ZFAND4: variants seen among roughly 807,000 people sequenced by gnomAD.
The protein encoded by ZFAND4 is AN1-type zinc finger protein 4.
ZFAND4 carries 43 observed loss-of-function variants against 64.4 expected under a neutral mutation model. The observed-to-expected ratio is 0.67, with a 90% CI of 0.52 to 0.86. The LOEUF (loss-of-function observed/expected upper bound fraction) is 0.86. ZFAND4 is among the 40% of genes least tolerant of loss of function. ZFAND4 has a pLI of 0.00. For missense variants in ZFAND4, 929 were observed against 859.8 expected, an observed-to-expected ratio of 1.08 and a Z score of -1.01; for synonymous variants, 296 against 305.7, an observed-to-expected ratio of 0.97 and a Z score of 0.33.
At chr10:45,640,892 G>A (rs776168150) in intron 5 of ZFAND4, among the ~76,000 whole-genome samples, 34 of 152,164 alleles carry the variant, frequency 2.2e-4, no homozygotes, top group Non-Finnish European at 3.4e-4. Flanking sequence ...AACACATCCA[G>A]TCAAGTCATG....
At chr10:45,661,490 T>G (rs76090322) in intron 2 of ZFAND4, among the ~76,000 whole-genome samples, 2,441 of 152,218 alleles carry the variant, frequency 0.016, 71 homozygotes, top group African/African-American at 0.055. Context: ...AAAAGCAGTC[T>G]GGCAGAGTAA....
intron 7 of ZFAND4, 87 bp from the exon 8 acceptor site, chr10:45,624,724 C>T: frequency 3.6e-6 from 4 of 1,116,814 alleles, no homozygotes; most frequent in Non-Finnish European, 5.3e-6. Context: ...TATTTTATCA[C>T]TAAGATGCTG....
intron 2 of ZFAND4, among the ~76,000 whole-genome samples, chr10:45,657,304 G>A (rs1393339252): frequency 1.3e-5 from 2 of 152,068 alleles, no homozygotes; most frequent in East Asian, 3.9e-4. Context: ...CAGATGACAA[G>A]CAAATTAAAA....
chr10:45,671,856 C>A (rs1390906807), intron 1 of ZFAND4, among the ~76,000 whole-genome samples: 8 of 151,878 alleles, frequency 5.3e-5, no homozygotes, highest in Non-Finnish European at 7.4e-5. Flanking sequence ...CAAAGCATTT[C>A]TCTCATTTCT....
chr10:45,627,112 G>T lies in ZFAND4; in HGVS notation c.718-7C>A, dbSNP rs1367733393. 1.5e-5 allele frequency: 23 copies of T among 1,526,076 alleles called. No individual in the cohort carries two copies. The highest frequency in any genetic ancestry group is 1.8e-5 in the Non-Finnish European group (21 of 1,140,070). 94.5% of individuals were successfully genotyped at this position (1,526,076 alleles called of 1,614,324 possible). Reference sequence around the variant, plus strand: ...TCTTGACAGCTTTCTTAGGCTAAAAGGAATGAATATACAGTTTCTTTACAC... The same window carrying T: ...TCTTGACAGCTTTCTTAGGCTAAAATGAATGAATATACAGTTTCTTTACAC... On this transcript the variant is annotated splice_polypyrimidine_tract_variant and splice_region_variant and intron_variant, in intron 6 of 9. Coordinates refer to ENST00000344646, the MANE Select transcript of ZFAND4 (RefSeq NM_174890.4).
chr10:45,635,921 T>C (rs982798331), intron 6 of ZFAND4, among the ~76,000 whole-genome samples: 4 of 152,174 alleles, frequency 2.6e-5, no homozygotes, highest in Admixed American at 2.0e-4. Context: ...ATTTTAATGG[T>C]AGAATCTAGA....
chr10:45,616,456 G>A lies in ZFAND4; in HGVS notation c.2164C>T (p.Pro722Ser). 2 of 1,614,132 alleles carry A rather than the reference G, an allele frequency of 1.2e-6. No individual in the cohort carries two copies. The highest frequency in any genetic ancestry group is 1.7e-6 in the Non-Finnish European group (2 of 1,179,996). The change falls in exon 10 of 10, where the codon CCA becomes TCA. Residue 722 changes from proline to serine, a missense_variant. Coordinates refer to ENST00000344646, the MANE Select transcript of ZFAND4 (RefSeq NM_174890.4). ...LHEANPVVNA[P>S]KLPKI is the part of the protein sequence containing the mutation. Reference sequence around the variant, plus strand: ...AAGAGTTAGATTTTTGGAAGCTTTGGTGCATTAACCACAGGATTTGCCTCG... The same window carrying A: ...AAGAGTTAGATTTTTGGAAGCTTTGATGCATTAACCACAGGATTTGCCTCG...
At position 45,626,455 on chromosome 10, in the gene ZFAND4, A is replaced by T. The variant is rs2045832003; in HGVS notation, c.1368T>A (p.Thr456=). 7.4e-6 allele frequency: 12 copies of T among 1,613,706 alleles called. No homozygotes were observed. The highest frequency in any genetic ancestry group is 1.0e-5 in the Non-Finnish European group (12 of 1,180,030). Residue 456 remains threonine, a synonymous_variant, in exon 7 of 10, where the codon ACT becomes ACA. Coordinates refer to ENST00000344646, the MANE Select transcript of ZFAND4 (RefSeq NM_174890.4). The part of the protein sequence containing the change: ...AGVLNGESVE[T]SVLNYRELSP... ...TTAATTCCCGGTAGTTAAGAACTGA[A>T]GTCTCTACTGATTCCCCATTCAGCA...
At chr10:45,617,967 T>C in intron 9 of ZFAND4, 173 bp downstream of exon 9, 2 of 570,210 alleles carry the variant, frequency 3.5e-6, no homozygotes, top group South Asian at 2.4e-5. Flanking sequence ...TGGAAACCCA[T>C]GAGCTATCTA....
chr10:45,634,180 T>G (rs1294188741), intron 6 of ZFAND4, among the ~76,000 whole-genome samples: 1 of 152,066 alleles, frequency 6.6e-6, no homozygotes, highest in Non-Finnish European at 1.5e-5. Flanking sequence ...AGAAAGCAAA[T>G]GTGGGAAAAT....
intron 6 of ZFAND4, among the ~76,000 whole-genome samples, chr10:45,627,692 T>C (rs1177962696): frequency 6.6e-6 from 1 of 152,174 alleles, no homozygotes. Flanking sequence ...GCTTTCCTTT[T>C]GGGAGTCTGA....
Position 45,672,568 on chromosome 10 carries a change from C to T in ZFAND4, c.-436G>A, listed in dbSNP as rs1458332841. 6.6e-6 allele frequency: 1 copy of T among 151,924 alleles called. No individual in the cohort carries two copies. The highest frequency in any genetic ancestry group is 2.4e-5 in the African/African-American group (1 of 41,424). The allele number at this position is 151,924 out of a possible 1,614,324, so 9.4% of individuals were successfully genotyped here. ...CCAGCGCCGAGCGCCCGCGCCACTCCGGCCTTGCGCCATTCCGGCCCCACG... is the reference window on the plus strand; with the variant it reads ...CCAGCGCCGAGCGCCCGCGCCACTCTGGCCTTGCGCCATTCCGGCCCCACG... On this transcript the variant is annotated 5_prime_UTR_variant, in exon 1 of 10. Transcript: ENST00000344646.
In ZFAND4 at chr10:45,663,757, G is replaced by T; in HGVS notation, c.-32C>A. On this transcript the variant is annotated 5_prime_UTR_variant, in exon 2 of 10. Transcript: ENST00000344646. ...GACTTTTCTAGTTCTTCTAAAATAT[G>T]TCGCAGGCAACTGTATTCCAGTTCT... The T allele has an allele frequency of 7.1e-6, 11 of 1,551,878 alleles. No homozygotes were observed. Among genetic ancestry groups the T allele is most frequent in the Non-Finnish European group, 9.6e-6 (11 of 1,151,656 alleles).
At chr10:45,651,853 T>G (rs964165358) in intron 4 of ZFAND4, 113 bp downstream of exon 4, 1 of 930,176 alleles carries the variant, frequency 1.1e-6, no homozygotes, top group African/African-American at 1.7e-5. Context: ...AAATGTGATT[T>G]TTCTAAGACC....
intron 1 of ZFAND4, among the ~76,000 whole-genome samples, chr10:45,668,694 C>CT (rs2048989310): frequency 6.6e-6 from 1 of 152,162 alleles, no homozygotes; most frequent in African/African-American, 2.4e-5. Flanking sequence ...TCACAACAAA[C>CT]TGTCTCTCAG....
chr10:45,659,358 C>T (rs561651294), intron 2 of ZFAND4, among the ~76,000 whole-genome samples: 9 of 152,242 alleles, frequency 5.9e-5, no homozygotes, highest in South Asian at 2.1e-4. Context: ...AATTGTAAGA[C>T]GCAAACTCTA....
In ZFAND4 at chr10:45,635,204, A is replaced by AC. The variant is rs1351798635; in HGVS notation, c.717+4611_717+4612insG. ...GTCAAAGCCATCTAAGCAAAAAAAAAAAAAAAAAACAAAAAAAAAACAAAC... is the reference window on the plus strand; with the variant it reads ...GTCAAAGCCATCTAAGCAAAAAAAAACAAAAAAAAACAAAAAAAAAACAAAC... On this transcript the variant is annotated intron_variant, in intron 6 of 9. Transcript: ENST00000344646. Among the ~76,000 whole-genome samples the AC allele has an allele frequency of 1.4e-5, 2 of 144,920 alleles. 1 individual carries two copies. Among genetic ancestry groups the AC allele is most frequent in the South Asian group, 4.3e-4 (2 of 4,644 alleles).
At chr10:45,631,426 C>A (rs1226791237) in intron 6 of ZFAND4, among the ~76,000 whole-genome samples, 4 of 150,148 alleles carry the variant, frequency 2.7e-5, no homozygotes, top group Non-Finnish European at 5.9e-5. Flanking sequence ...AGACTTGAAT[C>A]TTTATGTTAA....
intron 5 of ZFAND4, among the ~76,000 whole-genome samples, chr10:45,641,159 A>G (rs893665608): frequency 2.6e-5 from 4 of 152,242 alleles, no homozygotes; most frequent in African/African-American, 9.6e-5. Context: ...TAGCCAATAA[A>G]TGTTTGATGA....
Sources: allele counts gnomAD v4.1 joint callset (sites outside exome capture counted in the v4.1 genomes callset), GRCh38; gene constraint gnomAD v4.1.1; transcripts MANE v1.5; gene names NCBI Gene and HGNC (gene_info 2026-07-23, HGNC 2026-07-21).